Variants in COL13A1 observed in about 807,000 individuals in gnomAD.
The protein encoded by COL13A1 is collagen alpha-1(XIII) chain.
In COL13A1, 89 loss-of-function variants were observed where a neutral mutation model predicts 130.9. That is an observed-to-expected ratio of 0.68 (90% CI 0.57 to 0.81). COL13A1 has a LOEUF of 0.81. Among genes scored for constraint, COL13A1 ranks in the 30% least tolerant of loss-of-function variants. The pLI is 0.00. For synonymous variants in COL13A1, 402 were observed against 341.6 expected (o/e 1.18, Z -1.95); for missense variants, 879 against 934.6 (o/e 0.94, Z 0.78).
chr10:69,936,494 C>A (rs2066936743), intron 32 of COL13A1, among the ~76,000 whole-genome samples: 2 of 152,186 alleles, frequency 1.3e-5, no homozygotes, highest in Non-Finnish European at 2.9e-5. Context: ...CCGTGTCTTT[C>A]TTTCATGAGA....
chr10:69,840,799 C>T (rs990362306), intron 2 of COL13A1, among the ~76,000 whole-genome samples: 22 of 152,090 alleles, frequency 1.4e-4, no homozygotes, highest in Non-Finnish European at 2.5e-4. Context: ...TTTAAGTTGA[C>T]GTCAGGGAGG....
At chr10:69,829,607 T>C (rs374032514) in intron 2 of COL13A1, among the ~76,000 whole-genome samples, 3 of 152,228 alleles carry the variant, frequency 2.0e-5, no homozygotes, top group Admixed American at 6.5e-5. Flanking sequence ...TGCAGCCCCA[T>C]TTCAGGCAAC....
chr10:69,809,859 G>T (rs941632816), intron 1 of COL13A1, among the ~76,000 whole-genome samples: 2 of 152,252 alleles, frequency 1.3e-5, no homozygotes, highest in African/African-American at 2.4e-5. Context: ...CCTCTGGAAT[G>T]CTTGGGCTTC....
intron 7 of COL13A1, among the ~76,000 whole-genome samples, chr10:69,885,089 A>G (rs985968012): frequency 6.6e-6 from 1 of 152,252 alleles, no homozygotes; most frequent in Admixed American, 6.5e-5. Context: ...AAAACCTGAA[A>G]CTGTAAAATA....
intron 38 of COL13A1, among the ~76,000 whole-genome samples, chr10:69,948,937 T>A (rs1200434920): frequency 6.6e-6 from 1 of 152,194 alleles, no homozygotes; most frequent in Non-Finnish European, 1.5e-5. Context: ...CCCTTCCCGA[T>A]GTTTGACACA....
At chr10:69,839,012 C>T (rs1850864020) in intron 2 of COL13A1, among the ~76,000 whole-genome samples, 1 of 152,256 alleles carries the variant, frequency 6.6e-6, no homozygotes, top group African/African-American at 2.4e-5. Context: ...ATGGACAAGA[C>T]CTGACCCTGT....
intron 2 of COL13A1, among the ~76,000 whole-genome samples, chr10:69,846,514 G>T (rs752827357): frequency 1.3e-5 from 2 of 152,148 alleles, no homozygotes; most frequent in Admixed American, 6.5e-5. Context: ...CAGGGAGAAG[G>T]CTCAGCTGGT....
intron 2 of COL13A1, among the ~76,000 whole-genome samples, chr10:69,849,701 T>C (rs867733639): frequency 7.9e-5 from 12 of 152,194 alleles, no homozygotes; most frequent in Admixed American, 4.6e-4. Flanking sequence ...TGCCTCGACC[T>C]GTGCCCAGCG....
intron 34 of COL13A1, 122 bp from the exon 35 acceptor site, chr10:69,940,866 A>G: frequency 6.0e-6 from 8 of 1,323,980 alleles, no homozygotes; most frequent in Non-Finnish European, 7.5e-6. Flanking sequence ...GTGTTTGATT[A>G]CCAGCATTTA....
At chr10:69,839,841 C>T (rs147442329) in intron 2 of COL13A1, among the ~76,000 whole-genome samples, 77 of 152,238 alleles carry the variant, frequency 5.1e-4, no homozygotes, top group African/African-American at 1.7e-3. Context: ...TGTGGCGCCT[C>T]GTGTGACTCT....
intron 26 of COL13A1, 50 bp downstream of exon 26, chr10:69,925,922 TGCACCATGCCCTGATCAGGGG>T: frequency 6.8e-7 from 1 of 1,470,390 alleles, no homozygotes; most frequent in Non-Finnish European, 9.3e-7. Flanking sequence ...TCTCAGGCTC[TGCACCATGCCCTGATCAGGGG>T]GCCCTTCCAC....
intron 5 of COL13A1, 92 bp downstream of exon 5, chr10:69,875,255 C>G: frequency 6.6e-7 from 1 of 1,523,846 alleles, no homozygotes. Flanking sequence ...GCTGTCTATC[C>G]CAGGCCCAAG....
intron 2 of COL13A1, among the ~76,000 whole-genome samples, chr10:69,853,596 T>C (rs1423061946): frequency 6.6e-6 from 1 of 151,812 alleles, no homozygotes; most frequent in Non-Finnish European, 1.5e-5. Flanking sequence ...CAGAAAACAA[T>C]GTATAAAAGG....
intron 38 of COL13A1, among the ~76,000 whole-genome samples, chr10:69,948,626 T>A (rs2068907292): frequency 6.6e-6 from 1 of 152,252 alleles, no homozygotes; most frequent in Admixed American, 6.5e-5. Flanking sequence ...GCATACTAAC[T>A]TCCTTTCAAA....
intron 30 of COL13A1, 87 bp from the exon 31 acceptor site, chr10:69,932,473 A>G (rs969995435): frequency 1.1e-6 from 1 of 908,616 alleles, no homozygotes; most frequent in Non-Finnish European, 1.8e-6. Flanking sequence ...GTCACGTCCC[A>G]GTCTAGTTTG....
At chr10:69,837,779 G>A (rs1255687717) in intron 2 of COL13A1, among the ~76,000 whole-genome samples, 1 of 149,144 alleles carries the variant, frequency 6.7e-6, no homozygotes, top group African/African-American at 2.5e-5. Context: ...GTGGAACGGC[G>A]ATCCTGCCAA....
At chr10:69,854,563 C>CAA (rs33989837) in intron 2 of COL13A1, among the ~76,000 whole-genome samples, 35,052 of 147,026 alleles carry the variant, frequency 0.24, 4,284 homozygotes, top group Non-Finnish European at 0.27. Context: ...GACCCTGTCT[C>CAA]AAAAAAAAAA....
At position 69,822,234 on chromosome 10, in the gene COL13A1, A is replaced by C. The variant is rs1846269153; in HGVS notation, c.295-135A>C. ...CCCGGTGGCCAGTGGAAGGCCATTA[A>C]CTGCCTGTCTTTGATCCAGGAAGAG... On this transcript the variant is annotated intron_variant, in intron 1 of 40. Transcript: ENST00000645393. The C allele has an allele frequency of 2.2e-5, 13 of 586,690 alleles. No homozygotes were observed. In the South Asian group the frequency reaches 2.9e-4, roughly 13 times the overall value. The allele number at this position is 586,690 out of a possible 1,614,324, so 36.3% of individuals were successfully genotyped here.
At chr10:69,834,134 T>C (rs1179318754) in intron 2 of COL13A1, among the ~76,000 whole-genome samples, 1 of 152,108 alleles carries the variant, frequency 6.6e-6, no homozygotes, top group Non-Finnish European at 1.5e-5. Context: ...CAGGATGAAA[T>C]TGTTCCACCT....
Sources: allele counts gnomAD v4.1 joint callset (sites outside exome capture counted in the v4.1 genomes callset), GRCh38; gene constraint gnomAD v4.1.1; transcripts MANE v1.5; gene names NCBI Gene and HGNC (gene_info 2026-07-23, HGNC 2026-07-21).